The following SEMA3C variants were observed in gnomAD, a reference collection of about 807,000 sequenced individuals.
The protein encoded by SEMA3C is semaphorin 3C, also known as semaphorin-3C.
A neutral mutation model predicts 89.4 loss-of-function variants in SEMA3C; 47 were observed. The ratio of observed to expected loss-of-function variants is 0.53; its 90% CI spans 0.42 to 0.67. The LOEUF (loss-of-function observed/expected upper bound fraction) is 0.67, where lower values mean the gene tolerates loss of function less well. Ranked by LOEUF, SEMA3C falls within the 30% of genes least tolerant of loss-of-function variation. The probability of loss-of-function intolerance (pLI) is 0.00; values close to 1 mark genes in which losing one functional copy is unlikely to be tolerated. For synonymous variants in SEMA3C, 310 were observed against 320.2 expected, an observed-to-expected ratio of 0.97 and a Z score of 0.34; for missense variants, 839 against 929.1, an observed-to-expected ratio of 0.90 and a Z score of 1.26.
intron 2 of SEMA3C, among the ~76,000 whole-genome samples, chr7:80,873,821 A>G (rs1583966520): frequency 6.6e-6 from 1 of 152,308 alleles, no homozygotes; most frequent in East Asian, 1.9e-4. Context: ...CAGTTGTTGC[A>G]TGGAAAACAG....
intron 12 of SEMA3C, among the ~76,000 whole-genome samples, chr7:80,766,567 G>T (rs920116690): frequency 2.0e-5 from 3 of 152,176 alleles, no homozygotes; most frequent in Non-Finnish European, 2.9e-5. Context: ...GCTCAGGCCT[G>T]CTCCCACAAT....
intron 2 of SEMA3C, among the ~76,000 whole-genome samples, chr7:80,849,479 T>A (rs558114337): frequency 3.3e-5 from 5 of 152,302 alleles, no homozygotes; most frequent in Admixed American, 3.3e-4. Context: ...TACAAATGTA[T>A]ATGCATAAAA....
At chr7:80,855,077 C>A (rs1790606633) in intron 2 of SEMA3C, among the ~76,000 whole-genome samples, 1 of 152,134 alleles carries the variant, frequency 6.6e-6, no homozygotes, top group Non-Finnish European at 1.5e-5. Context: ...AGCAATATTT[C>A]TCTAAGCCCT....
chr7:80,824,756 T>C (rs1789832614), intron 4 of SEMA3C, among the ~76,000 whole-genome samples: 1 of 152,168 alleles, frequency 6.6e-6, no homozygotes, highest in African/African-American at 2.4e-5. Context: ...CAGCACAGCT[T>C]AAGTTTCTCA....
intron 12 of SEMA3C, among the ~76,000 whole-genome samples, chr7:80,775,940 A>T (rs1036343743): frequency 3.9e-5 from 6 of 152,146 alleles, no homozygotes; most frequent in Non-Finnish European, 7.4e-5. Flanking sequence ...CTTAGGCAAT[A>T]ACAATATAAG....
chr7:80,824,530 G>A (rs1437095193), intron 4 of SEMA3C, among the ~76,000 whole-genome samples: 1 of 152,226 alleles, frequency 6.6e-6, no homozygotes, highest in Non-Finnish European at 1.5e-5. Context: ...CAACTTTTTC[G>A]AATTTCAGTA....
intron 2 of SEMA3C, among the ~76,000 whole-genome samples, chr7:80,857,399 C>T (rs1271929221): frequency 6.6e-6 from 1 of 151,916 alleles, no homozygotes; most frequent in African/African-American, 2.4e-5. Context: ...TTTAAAAAGG[C>T]AAGAAATTAC....
rs181559383 is a variant in SEMA3C at position 80,827,287 on chromosome 7, G to A, written c.327+138C>T. 154 of 809,370 alleles carry A rather than the reference G, an allele frequency of 1.9e-4. No individual in the cohort carries two copies. In the African/African-American group the frequency reaches 2.6e-3, roughly 13 times the overall value. 50.1% of individuals were successfully genotyped at this position (809,370 alleles called of 1,614,324 possible). On this transcript the variant is annotated intron_variant, in intron 4 of 17. Coordinates refer to ENST00000265361, the MANE Select transcript of SEMA3C (RefSeq NM_006379.5). ...AGAGTTCCAGTCTCCTCAAGGTTTA[G>A]GTTTTTAGCCTGTGTCCAGCAAAAA...
At chr7:80,857,970 CT>C (rs199819288) in intron 2 of SEMA3C, among the ~76,000 whole-genome samples, 99 of 151,748 alleles carry the variant, frequency 6.5e-4, no homozygotes, top group African/African-American at 2.2e-3. Flanking sequence ...TCAAATAGAC[CT>C]TTTTTTTCCA....
At chr7:80,774,936 A>C (rs1416125863) in intron 12 of SEMA3C, among the ~76,000 whole-genome samples, 1 of 152,106 alleles carries the variant, frequency 6.6e-6, no homozygotes, top group East Asian at 1.9e-4. Context: ...GCTGAAAACA[A>C]ACCACAGAGA....
intron 6 of SEMA3C, among the ~76,000 whole-genome samples, chr7:80,809,501 C>T (rs1235164412): frequency 1.3e-5 from 2 of 152,124 alleles, no homozygotes; most frequent in African/African-American, 4.8e-5. Flanking sequence ...AATGTTCATA[C>T]CATTTCCCAA....
chr7:80,806,869 T>G (rs1305636761), intron 6 of SEMA3C, among the ~76,000 whole-genome samples: 1 of 152,150 alleles, frequency 6.6e-6, no homozygotes, highest in East Asian at 1.9e-4. Flanking sequence ...AGCTCACTGT[T>G]TAGTAATAAG....
rs113628844 is a variant in SEMA3C, at chr7:80,750,463, T to C, written c.1711+806A>G. On this transcript the variant is annotated intron_variant, in intron 16 of 17. Transcript: ENST00000265361. Reference sequence around the variant, plus strand: ...ATATATATATATATATATATATATATATATATATATACACACACACACACA... The same window carrying C: ...ATATATATATATATATATATATATACATATATATATACACACACACACACA... Among the ~76,000 whole-genome samples the C allele has an allele frequency of 1.2e-3, 89 of 72,008 alleles. 3 individuals are homozygous for C. The highest frequency in any genetic ancestry group is 3.0e-3 in the African/African-American group (55 of 18,264). The allele number at this position is 72,008 out of a possible 152,430, so 47.2% of individuals were successfully genotyped here.
At chr7:80,897,400 A>G (rs192028292) in intron 2 of SEMA3C, among the ~76,000 whole-genome samples, 4 of 152,308 alleles carry the variant, frequency 2.6e-5, no homozygotes, top group African/African-American at 2.4e-5. Context: ...GCTGGGAACT[A>G]CAGGAGAGAT....
chr7:80,745,384 G>T, intron 17 of SEMA3C, 77 bp from the exon 18 acceptor site: 2 of 1,366,146 alleles, frequency 1.5e-6, no homozygotes, highest in Non-Finnish European at 2.0e-6. Context: ...ACACAGAATA[G>T]TCTCAACTTT....
At position 80,745,154 on chromosome 7, in the gene SEMA3C, T is replaced by C; in HGVS notation, c.1996A>G (p.Met666Val). 1 of 1,614,084 alleles carries C rather than the reference T, an allele frequency of 6.2e-7. No homozygotes were observed. The highest frequency in any genetic ancestry group is 8.5e-7 in the Non-Finnish European group (1 of 1,179,994). ...KINFKVLDSE[M>V]VAVVTDKWSP... ...CATTTGTCCGTCACAACAGCCACCA[T>C]TTCTGAATCTAAAACTTTGAAGTTG... Residue 666 changes from methionine to valine, a missense_variant, in exon 18 of 18, where the codon ATG becomes GTG. Transcript: ENST00000265361.
intron 17 of SEMA3C, 30 bp downstream of exon 17, chr7:80,748,868 G>C: frequency 1.3e-6 from 2 of 1,589,662 alleles, no homozygotes; most frequent in East Asian, 4.5e-5. Flanking sequence ...CTGAAGCCCT[G>C]ATGGATTGCT....
At chr7:80,902,526 T>C (rs1791906110) in intron 2 of SEMA3C, among the ~76,000 whole-genome samples, 1 of 152,170 alleles carries the variant, frequency 6.6e-6, no homozygotes. Flanking sequence ...AAAATTATGT[T>C]CCGGAAAAAG....
At chr7:80,896,371 G>A (rs1310983802) in intron 2 of SEMA3C, among the ~76,000 whole-genome samples, 1 of 152,076 alleles carries the variant, frequency 6.6e-6, no homozygotes, top group Non-Finnish European at 1.5e-5. Flanking sequence ...CCAACTCTAG[G>A]AGTCCTTTCT....
Sources: gnomAD v4.1 joint callset for allele counts (sites outside exome capture counted in the v4.1 genomes callset) on GRCh38, gnomAD v4.1.1 for gene constraint, MANE v1.5 for transcripts, NCBI Gene and HGNC (gene_info 2026-07-23, HGNC 2026-07-21) for gene names.